The following COBLL1 variants were observed in gnomAD, a reference collection of about 807,000 sequenced individuals.
COBLL1 encodes cordon-bleu protein-like 1.
Under a neutral mutation model 94.8 loss-of-function variants are expected in COBLL1, and 50 were observed. The ratio of observed to expected loss-of-function variants is 0.53; its 90% CI spans 0.42 to 0.67. The LOEUF is 0.67. Ranked by LOEUF, COBLL1 falls within the 30% of genes least tolerant of loss-of-function variation. The probability of loss-of-function intolerance (pLI) is 0.00; values close to 1 mark genes in which losing one functional copy is unlikely to be tolerated. For missense variants in COBLL1, 1,362 were observed against 1,348.7 expected, an observed-to-expected ratio of 1.01 and a Z score of -0.15; for synonymous variants, 448 against 473.8, an observed-to-expected ratio of 0.95 and a Z score of 0.71.
chr2:164,718,351 T>C (rs909445441), intron 7 of COBLL1: 19 of 462,632 alleles, frequency 4.1e-5, no homozygotes, highest in Non-Finnish European at 1.4e-5. Flanking sequence ...AGTCATGTTA[T>C]ACCCATCAAT....
Position 164,700,601 on chromosome 2 carries a change from A to T in COBLL1, c.1381T>A (p.Ser461Thr), listed in dbSNP as rs766970415. 6.2e-7 allele frequency: 1 copy of T among 1,613,858 alleles called. No individual in the cohort carries two copies. Among genetic ancestry groups the T allele is most frequent in the South Asian group, 1.1e-5 (1 of 91,080 alleles). Residue 461 changes from serine (S) to threonine (T), a missense_variant, in exon 10 of 14, where the codon TCA becomes ACA. Transcript: ENST00000652658. Reference sequence around the variant, plus strand: ...TCTCCACTACCATTGCCAAGGGCTGAGTCAGGATCATTTTTCAGTGTATTT... The same window carrying T: ...TCTCCACTACCATTGCCAAGGGCTGTGTCAGGATCATTTTTCAGTGTATTT... Reference protein sequence around the residue: ...IINTLKNDPDSALGNGSGEFS... With the variant: ...IINTLKNDPDTALGNGSGEFS...
chr2:164,749,259 G>C (rs186971385), intron 2 of COBLL1, among the ~76,000 whole-genome samples: 19 of 152,202 alleles, frequency 1.2e-4, no homozygotes, highest in Non-Finnish European at 2.8e-4. Context: ...TATTTATAAA[G>C]TATTCTTATA....
intron 2 of COBLL1, among the ~76,000 whole-genome samples, chr2:164,819,662 T>C (rs1007114240): frequency 1.3e-5 from 2 of 152,174 alleles, no homozygotes; most frequent in African/African-American, 4.8e-5. Flanking sequence ...CTTGTTTTAC[T>C]GTTTATAATC....
intron 2 of COBLL1, among the ~76,000 whole-genome samples, chr2:164,792,480 C>T: frequency 6.6e-6 from 1 of 152,086 alleles, no homozygotes; most frequent in East Asian, 1.9e-4. Context: ...TTAGAAACAG[C>T]CTCCTTTTCA....
chr2:164,771,680 T>C (rs1394941508), intron 2 of COBLL1, among the ~76,000 whole-genome samples: 6 of 152,118 alleles, frequency 3.9e-5, no homozygotes, highest in Non-Finnish European at 8.8e-5. Context: ...GAGTTTCTAA[T>C]TGTACATCAC....
intron 1 of COBLL1, among the ~76,000 whole-genome samples, chr2:164,670,244 T>C (rs938935621): frequency 6.6e-6 from 1 of 152,164 alleles, no homozygotes; most frequent in African/African-American, 2.4e-5. Context: ...GAATTTGAAC[T>C]TGAAAGCAGT....
In COBLL1 at chr2:164,712,725, G is replaced by T. The variant is rs950051363; in HGVS notation, c.997-7620C>A. ...ATGTAATTTAGAAGAATGAGGTCTT[G>T]TATTGAATTTGCAAAATAAGCTGTG... On this transcript the variant is annotated intron_variant, in intron 7 of 13. Transcript: ENST00000652658. 2.6e-5 allele frequency among the ~76,000 whole-genome samples: 4 copies of T among 151,714 alleles called. No individual in the cohort carries two copies. In the South Asian group the frequency reaches 8.3e-4, roughly 31 times the overall value.
intron 9 of COBLL1, among the ~76,000 whole-genome samples, chr2:164,701,721 A>G (rs1684274254): frequency 6.6e-6 from 1 of 152,216 alleles, no homozygotes; most frequent in Admixed American, 6.5e-5. Flanking sequence ...AGGGTAAAAG[A>G]GAAGGAGGCA....
At chr2:164,783,494 G>A (rs977379928) in intron 2 of COBLL1, among the ~76,000 whole-genome samples, 1 of 152,076 alleles carries the variant, frequency 6.6e-6, no homozygotes, top group African/African-American at 2.4e-5. Context: ...GTGGGCTGTG[G>A]CTCTGAAGAA....
At chr2:164,755,716 A>C (rs1160627378) in intron 2 of COBLL1, among the ~76,000 whole-genome samples, 1 of 152,192 alleles carries the variant, frequency 6.6e-6, no homozygotes, top group Non-Finnish European at 1.5e-5. Flanking sequence ...GGATTCTTTA[A>C]ATTTAATTTA....
Position 164,687,315 on chromosome 2 carries a change from G to T in COBLL1, c.3301-1283C>A, listed in dbSNP as rs1683350633. 9 of 647,302 alleles carry T rather than the reference G, an allele frequency of 1.4e-5. No homozygotes were observed. In the South Asian group the frequency reaches 1.6e-4, roughly 11 times the overall value. The allele number at this position is 647,302 out of a possible 1,614,324, so 40.1% of individuals were successfully genotyped here. On this transcript the variant is annotated intron_variant, in intron 13 of 13. Coordinates refer to ENST00000652658, the MANE Select transcript of COBLL1 (RefSeq NM_001365672.2). Reference sequence around the variant, plus strand: ...GTGCAGGGCCCGGCACTTGTCCACAGGGCCACAACTGGGGATGTACTTGAC... The same window carrying T: ...GTGCAGGGCCCGGCACTTGTCCACATGGCCACAACTGGGGATGTACTTGAC...
chr2:164,794,248 T>C (rs2105304171), intron 2 of COBLL1, among the ~76,000 whole-genome samples: 1 of 152,346 alleles, frequency 6.6e-6, no homozygotes, highest in South Asian at 2.1e-4. Context: ...CAGTACCTAT[T>C]CTTACAGTGT....
At chr2:164,703,502 C>T in intron 9 of COBLL1, 1 of 388,900 alleles carries the variant, frequency 2.6e-6, no homozygotes, top group Non-Finnish European at 4.9e-6. Flanking sequence ...AAAAATGGTG[C>T]CATTTATATT....
intron 2 of COBLL1, among the ~76,000 whole-genome samples, chr2:164,774,378 CT>C (rs1187002880): frequency 1.3e-5 from 2 of 152,144 alleles, no homozygotes. Context: ...TACTAACATT[CT>C]ACTGTGAAGG....
chr2:164,816,746 G>T (rs1295759646), intron 2 of COBLL1, among the ~76,000 whole-genome samples: 3 of 152,128 alleles, frequency 2.0e-5, no homozygotes, highest in African/African-American at 7.2e-5. Context: ...AAGAACCCCA[G>T]GAGTTGCTAA....
rs1683900308 is a variant in COBLL1, at chr2:164,695,621, G to A, written c.1771C>T (p.Leu591=). ...LAASSVPDQK[L]NQPSAEKTKD... is the part of the protein sequence containing the mutation. ...GTCTTTTCTGCACTGGGTTGATTCA[G>A]TTTTTGATCTGGTACTGATGAAGCT... Residue 591 remains leucine, a synonymous_variant, in exon 12 of 14, where the codon CTG becomes TTG. Coordinates refer to ENST00000652658, the MANE Select transcript of COBLL1 (RefSeq NM_001365672.2). 1.2e-6 allele frequency: 2 copies of A among 1,613,854 alleles called. No homozygotes were observed.
At chr2:164,817,473 C>G (rs1403164954) in intron 2 of COBLL1, among the ~76,000 whole-genome samples, 1 of 151,758 alleles carries the variant, frequency 6.6e-6, no homozygotes, top group Non-Finnish European at 1.5e-5. Context: ...ACCACAATAT[C>G]TGAAGAACTT....
At chr2:164,726,425 T>C (rs1160223606) in intron 5 of COBLL1, among the ~76,000 whole-genome samples, 1 of 152,120 alleles carries the variant, frequency 6.6e-6, no homozygotes, top group Non-Finnish European at 1.5e-5. Context: ...ACTTCCACAA[T>C]TTATTATTGG....
intron 2 of COBLL1, among the ~76,000 whole-genome samples, chr2:164,760,437 G>C (rs987645571): frequency 6.6e-6 from 1 of 152,144 alleles, no homozygotes; most frequent in African/African-American, 2.4e-5. Context: ...CTTTGTGGTG[G>C]TGAAGAGTTC....
Sources: gnomAD v4.1 joint callset for allele counts (sites outside exome capture counted in the v4.1 genomes callset) on GRCh38, gnomAD v4.1.1 for gene constraint, MANE v1.5 for transcripts, NCBI Gene and HGNC (gene_info 2026-07-23, HGNC 2026-07-21) for gene names.